Variants in THG1L observed in about 807,000 individuals in gnomAD.
THG1L encodes tRNA-histidine guanylyltransferase 1 like, also known as probable tRNA(His) guanylyltransferase.
THG1L carries 27 observed loss-of-function variants against 35.2 expected under a neutral mutation model. The ratio of observed to expected loss-of-function variants is 0.77; its 90% CI spans 0.57 to 1.06. THG1L has a LOEUF of 1.06. Among genes scored for constraint, THG1L ranks in the 50% least tolerant of loss-of-function variants. The pLI is 0.00. For synonymous variants in THG1L, 135 were observed against 132.4 expected (o/e 1.02, Z -0.14); for missense variants, 377 against 371.8 (o/e 1.01, Z -0.12).
intron 3 of THG1L, among the ~76,000 whole-genome samples, chr5:157,735,090 A>G (rs1027105452): frequency 6.6e-6 from 1 of 152,106 alleles, no homozygotes; most frequent in Non-Finnish European, 1.5e-5. Flanking sequence ...GGCATGTGCC[A>G]CCACGCCCGG....
Position 157,739,583 on chromosome 5 carries a change from A to G in THG1L, c.*101A>G. ...CTGTAGCATCCCTACCACCCAGGACACTGGTGCGAATGACACAACTCAAGT... is the reference window on the plus strand; with the variant it reads ...CTGTAGCATCCCTACCACCCAGGACGCTGGTGCGAATGACACAACTCAAGT... On this transcript the variant is annotated 3_prime_UTR_variant, in exon 6 of 6. Transcript: ENST00000231198. 7.2e-7 allele frequency: 1 copy of G among 1,384,908 alleles called. No homozygotes were observed. The allele number at this position is 1,384,908 out of a possible 1,614,324, so 85.8% of individuals were successfully genotyped here. A position where few individuals can be genotyped will look rare whatever the true frequency, so the allele number is the denominator to read the frequency against.
intron 4 of THG1L, among the ~76,000 whole-genome samples, 174 bp from the exon 5 acceptor site, chr5:157,737,713 C>T (rs186059253): frequency 6.6e-6 from 1 of 152,128 alleles, no homozygotes; most frequent in Non-Finnish European, 1.5e-5. Flanking sequence ...AGAATTTTAT[C>T]TAAGTAAGAT....
chr5:157,734,242 G>C (rs555894636), intron 2 of THG1L, among the ~76,000 whole-genome samples: 6 of 152,164 alleles, frequency 3.9e-5, no homozygotes, highest in Admixed American at 2.0e-4. Flanking sequence ...ACAAAAATTA[G>C]CTGGGCGTAG....
At chr5:157,736,237 G>A (rs999365385) in intron 4 of THG1L, among the ~76,000 whole-genome samples, 6 of 149,370 alleles carry the variant, frequency 4.0e-5, no homozygotes, top group African/African-American at 9.8e-5. Context: ...TATGACTGCC[G>A]TCTTCAGCAC....
At position 157,731,514 on chromosome 5, in the gene THG1L, G is replaced by C. The variant is rs2113025441; in HGVS notation, c.74G>C (p.Arg25Thr). The C allele has an allele frequency of 1.9e-6, 3 of 1,613,228 alleles. No individual in the cohort carries two copies. Among genetic ancestry groups the C allele is most frequent in the Non-Finnish European group, 1.7e-6 (2 of 1,179,570 alleles). Reference sequence around the variant, plus strand: ...TCCATCACTCTGAGACGGTACCTGAGATTGGGGGCGACCATGGCAAAAAGC... The same window carrying C: ...TCCATCACTCTGAGACGGTACCTGACATTGGGGGCGACCATGGCAAAAAGC... Reference protein sequence around the residue: ...TISITLRRYLRLGATMAKSKF... With the variant: ...TISITLRRYLTLGATMAKSKF... Residue 25 changes from arginine (R) to threonine (T), a missense_variant, in exon 1 of 6, where the codon AGA (arginine) becomes ACA (threonine). Arg to Thr is a moderately conservative substitution (Grantham distance 71). Transcript: ENST00000231198.
At position 157,741,069 on chromosome 5, in the gene THG1L, G is replaced by C. The variant is rs1289661548; in HGVS notation, c.*1587G>C. ...AAAAATAGAAAAATTAGCTGGGCGT[G>C]GTGGCGTGTGCCTGCAATACCAGCT... On this transcript the variant is annotated 3_prime_UTR_variant, in exon 6 of 6. Coordinates refer to ENST00000231198, the MANE Select transcript of THG1L (RefSeq NM_017872.5). 6.6e-6 allele frequency: 1 copy of C among 152,196 alleles called. No homozygotes were observed. Among genetic ancestry groups the C allele is most frequent in the Non-Finnish European group, 1.5e-5 (1 of 68,110 alleles). 9.4% of individuals were successfully genotyped at this position (152,196 alleles called of 1,614,324 possible).
chr5:157,737,745 A>C (rs1760921261), intron 4 of THG1L, 142 bp from the exon 5 acceptor site: 2 of 617,358 alleles, frequency 3.2e-6, no homozygotes, highest in Admixed American at 6.6e-5. Context: ...TTAAGATGAA[A>C]ATTTACTAAT....
Position 157,739,688 on chromosome 5 carries a change from G to A in THG1L, c.*206G>A, listed in dbSNP as rs1307483520. On this transcript the variant is annotated 3_prime_UTR_variant, in exon 6 of 6. Coordinates refer to ENST00000231198, the MANE Select transcript of THG1L (RefSeq NM_017872.5). ...TTAAGCAGAACACCTTGTTTGCGGT[G>A]TTGGAACATGGTTCCTTTGGCAGAA... 9.2e-6 allele frequency: 4 copies of A among 436,780 alleles called. No individual in the cohort carries two copies. Among genetic ancestry groups the A allele is most frequent in the Admixed American group, 8.7e-5 (2 of 22,870 alleles). The allele number at this position is 436,780 out of a possible 1,614,324, so 27.1% of individuals were successfully genotyped here.
In THG1L at chr5:157,741,201, C is replaced by T. The variant is rs1761032483; in HGVS notation, c.*1719C>T. On this transcript the variant is annotated 3_prime_UTR_variant, in exon 6 of 6. Coordinates refer to ENST00000231198, the MANE Select transcript of THG1L (RefSeq NM_017872.5). Reference sequence around the variant, plus strand: ...AGCCTGGGTGACAGAGCAAAACTGCCTTAAAAAAAAAAATTAAGAGACAGC... The same window carrying T: ...AGCCTGGGTGACAGAGCAAAACTGCTTTAAAAAAAAAAATTAAGAGACAGC... The T allele has an allele frequency of 6.6e-6, 1 of 151,812 alleles. No individual in the cohort carries two copies. The highest frequency in any genetic ancestry group is 6.6e-5 in the Admixed American group (1 of 15,248). The allele number at this position is 151,812 out of a possible 1,614,324, so 9.4% of individuals were successfully genotyped here. A position where few individuals can be genotyped will look rare whatever the true frequency, so the allele number is the denominator to read the frequency against.
chr5:157,737,138 T>C (rs540085365), intron 4 of THG1L, among the ~76,000 whole-genome samples: 1 of 152,262 alleles, frequency 6.6e-6, no homozygotes, highest in Admixed American at 6.5e-5. Flanking sequence ...TTATGTTTGC[T>C]CAATAAATGG....
Position 157,734,699 on chromosome 5 carries a change from C to A in THG1L, c.492C>A (p.Pro164=), listed in dbSNP as rs1468464152. ...PGFDGRVVVY[P]SNQTLKDYLS... ...TTGACGGAAGAGTCGTGGTGTATCC[C>A]AGCAACCAGACTTTAAAGGACTACC... Residue 164 remains proline (P), a synonymous_variant, in exon 3 of 6, where the codon CCC becomes CCA. Coordinates refer to ENST00000231198, the MANE Select transcript of THG1L (RefSeq NM_017872.5). The A allele has an allele frequency of 1.9e-6, 3 of 1,614,002 alleles. No homozygotes were observed. The African/African-American group carries it at 4.0e-5, about 22-fold the overall frequency.
Position 157,733,009 on chromosome 5 carries a change from C to T in THG1L, c.333C>T (p.Phe111=), listed in dbSNP as rs1233785987. 7 of 1,613,960 alleles carry T rather than the reference C, an allele frequency of 4.3e-6. No individual in the cohort carries two copies. Among genetic ancestry groups the T allele is most frequent in the African/African-American group, 4.0e-5 (3 of 74,916 alleles). The change falls in exon 2 of 6, where the codon TTC becomes TTT. Residue 111 remains phenylalanine (F), a synonymous_variant. Coordinates refer to ENST00000231198, the MANE Select transcript of THG1L (RefSeq NM_017872.5). ...AGAGTGATGAGTACAGCTTTGTGTT[C>T]AAGCGGAAAACCAATTGGTTTAAAA... The part of the protein sequence containing the change: ...YGQSDEYSFV[F]KRKTNWFKRR...
rs1303352834 is a variant in THG1L at position 157,732,229 on chromosome 5, AAAAAAAAAAAAAAAAG to A, written c.191+600_191+615del. ...CTCCGCCACTACAAAAAAAAAAAAA[AAAAAAAAAAAAAAAAG>A]AGAGAGAGAGAGAGAAAGAAGGAAG... On this transcript the variant is annotated intron_variant, in intron 1 of 5. Transcript: ENST00000231198. Among the ~76,000 whole-genome samples the A allele has an allele frequency of 9.0e-3, 1,163 of 129,290 alleles. 21 individuals are homozygous for A. Among genetic ancestry groups the A allele is most frequent in the African/African-American group, 0.029 (895 of 31,356 alleles). The allele number at this position is 129,290 out of a possible 152,430, so 84.8% of individuals were successfully genotyped here. A position where few individuals can be genotyped will look rare whatever the true frequency, so the allele number is the denominator to read the frequency against.
At chr5:157,731,721 T>C (rs1422409604) in intron 1 of THG1L, 90 bp downstream of exon 1, 1 of 1,480,564 alleles carries the variant, frequency 6.8e-7, no homozygotes. Flanking sequence ...CCCGCTCCAG[T>C]CACGGTTACC....
intron 3 of THG1L, among the ~76,000 whole-genome samples, chr5:157,735,266 GAT>G (rs1760841920): frequency 6.6e-6 from 1 of 152,192 alleles, no homozygotes; most frequent in South Asian, 2.1e-4. Context: ...AAAAAAATCA[GAT>G]GTGGCAATAC....
In THG1L at chr5:157,740,204, GAGAA is replaced by G. The variant is rs1024452644; in HGVS notation, c.*728_*731del. Reference sequence around the variant, plus strand: ...GAAACAGAATTATGTGTATATATGAGAGAAAGAAACAAGAATGCGTGAATGAGGA... The same window carrying G: ...GAAACAGAATTATGTGTATATATGAGAGAAACAAGAATGCGTGAATGAGGA... On this transcript the variant is annotated 3_prime_UTR_variant, in exon 6 of 6. Transcript: ENST00000231198. The G allele has an allele frequency of 1.3e-5, 2 of 152,178 alleles. No individual in the cohort carries two copies. Among genetic ancestry groups the G allele is most frequent in the East Asian group, 1.9e-4 (1 of 5,196 alleles). 9.4% of individuals were successfully genotyped at this position (152,178 alleles called of 1,614,324 possible). A position where few individuals can be genotyped will look rare whatever the true frequency, so the allele number is the denominator to read the frequency against.
chr5:157,734,607 G>A lies in THG1L; in HGVS notation c.400G>A (p.Ala134Thr), dbSNP rs745979634. The A allele has an allele frequency of 6.2e-6, 10 of 1,613,936 alleles. No individual in the cohort carries two copies. Among genetic ancestry groups the A allele is most frequent in the Admixed American group, 3.3e-5 (2 of 59,990 alleles). The change falls in exon 3 of 6, where the codon GCC (alanine) becomes ACC (threonine). Residue 134 changes from alanine (A) to threonine (T), a missense_variant. By Grantham distance (58) the Ala-to-Thr change is moderately conservative (BLOSUM62 0). Transcript: ENST00000231198. Reference sequence around the variant, plus strand: ...CATGACTCACGTGGCCTCCCAGTTTGCCTCCAGCTATGTGTTTTATTGGCG... The same window carrying A: ...CATGACTCACGTGGCCTCCCAGTTTACCTCCAGCTATGTGTTTTATTGGCG... Reference protein sequence around the residue: ...KFMTHVASQFASSYVFYWRDY... With the variant: ...KFMTHVASQFTSSYVFYWRDY...
intron 3 of THG1L, 49 bp from the exon 4 acceptor site, chr5:157,735,797 C>A: frequency 7.9e-7 from 1 of 1,269,080 alleles, no homozygotes; most frequent in Non-Finnish European, 1.1e-6. Context: ...AATGAATATT[C>A]AATAAAGATT....
chr5:157,736,923 G>T (rs1450125544), intron 4 of THG1L, among the ~76,000 whole-genome samples: 1 of 152,136 alleles, frequency 6.6e-6, no homozygotes, highest in Non-Finnish European at 1.5e-5. Context: ...GTGAAGTGAG[G>T]TAATGTGTTG....
Sources: gnomAD v4.1 joint callset for allele counts (sites outside exome capture counted in the v4.1 genomes callset) on GRCh38, gnomAD v4.1.1 for gene constraint, MANE v1.5 for transcripts, NCBI Gene and HGNC (gene_info 2026-07-23, HGNC 2026-07-21) for gene names.